Variants in GABRB1 observed in about 807,000 individuals in gnomAD.
GABRB1 encodes the protein gamma-aminobutyric acid receptor subunit beta-1.
Under a neutral mutation model 51.6 loss-of-function variants are expected in GABRB1, and 17 were observed. The observed-to-expected ratio is 0.33, with a 90% CI of 0.23 to 0.49. The LOEUF is 0.49. Among genes scored for constraint, GABRB1 ranks in the 20% least tolerant of loss-of-function variants. The pLI is 0.99. For missense variants in GABRB1, 410 were observed against 600.6 expected (o/e 0.68, Z 3.32); for synonymous variants, 247 against 218.9 (o/e 1.13, Z -1.14).
intron 4 of GABRB1, among the ~76,000 whole-genome samples, chr4:47,251,882 C>A (rs1722001949): frequency 1.3e-5 from 2 of 152,116 alleles, no homozygotes; most frequent in African/African-American, 4.8e-5. Context: ...AGTGGGCGAG[C>A]CAGACTTGAG....
At chr4:47,294,563 G>A (rs890804828) in intron 4 of GABRB1, among the ~76,000 whole-genome samples, 17 of 152,238 alleles carry the variant, frequency 1.1e-4, no homozygotes, top group Admixed American at 2.0e-4. Context: ...AGGGGCGCCC[G>A]CCATTGCCCA....
At chr4:47,378,378 G>A (rs911730754) in intron 5 of GABRB1, among the ~76,000 whole-genome samples, 3 of 152,216 alleles carry the variant, frequency 2.0e-5, no homozygotes, top group East Asian at 1.9e-4. Flanking sequence ...ACACCCACCC[G>A]GAACTCGTGC....
intron 4 of GABRB1, among the ~76,000 whole-genome samples, chr4:47,303,193 T>C (rs934859777): frequency 6.6e-6 from 1 of 151,938 alleles, no homozygotes; most frequent in African/African-American, 2.4e-5. Context: ...CTGTGCATTT[T>C]GTAATTTATT....
chr4:47,077,595 A>C (rs1456388522), intron 3 of GABRB1, among the ~76,000 whole-genome samples: 3 of 151,844 alleles, frequency 2.0e-5, no homozygotes, highest in African/African-American at 4.8e-5. Flanking sequence ...CTCACTAAAA[A>C]TACTGCACAT....
chr4:47,280,377 A>T (rs1226247053), intron 4 of GABRB1, among the ~76,000 whole-genome samples: 1 of 151,462 alleles, frequency 6.6e-6, no homozygotes, highest in East Asian at 1.9e-4. Context: ...TATTTGTAAT[A>T]TTTTTGTCTT....
intron 5 of GABRB1, among the ~76,000 whole-genome samples, chr4:47,373,312 T>C (rs1217458514): frequency 1.3e-5 from 2 of 152,212 alleles, no homozygotes; most frequent in Non-Finnish European, 2.9e-5. Flanking sequence ...GAAATGACAG[T>C]GTCTGCTACC....
chr4:47,136,801 A>T (rs79878786), intron 3 of GABRB1, among the ~76,000 whole-genome samples: 4,899 of 152,124 alleles, frequency 0.032, 374 homozygotes, highest in East Asian at 0.17. Flanking sequence ...TCTCCAAACT[A>T]AAACACTACA....
chr4:47,262,188 C>G (rs2109880115), intron 4 of GABRB1, among the ~76,000 whole-genome samples: 1 of 151,744 alleles, frequency 6.6e-6, no homozygotes, highest in South Asian at 2.1e-4. Context: ...CCAAAATTGA[C>G]AAATGGGATC....
At chr4:47,174,081 A>G (rs1718553719) in intron 4 of GABRB1, among the ~76,000 whole-genome samples, 1 of 151,874 alleles carries the variant, frequency 6.6e-6, no homozygotes, top group Admixed American at 6.6e-5. Context: ...TTCTTGAAAG[A>G]GTGAAACAGT....
chr4:47,147,293 T>C (rs904309921), intron 3 of GABRB1, among the ~76,000 whole-genome samples: 1 of 38,992 alleles, frequency 2.6e-5, no homozygotes, highest in Non-Finnish European at 5.2e-5. Context: ...TTCCTTTCTT[T>C]TTTTCCTTTC....
At chr4:47,104,985 C>A (rs902298247) in intron 3 of GABRB1, among the ~76,000 whole-genome samples, 1 of 151,838 alleles carries the variant, frequency 6.6e-6, no homozygotes, top group African/African-American at 2.4e-5. Context: ...TTTTTTGCTT[C>A]TTTGTGCATC....
intron 4 of GABRB1, among the ~76,000 whole-genome samples, chr4:47,283,334 AAT>A (rs1266640624): frequency 2.2e-4 from 29 of 131,122 alleles, no homozygotes; most frequent in Admixed American, 2.2e-3. Flanking sequence ...CCTTCTAGGC[AAT>A]GTTCCATACC....
chr4:47,136,267 C>T (rs1231639335), intron 3 of GABRB1, among the ~76,000 whole-genome samples: 1 of 152,084 alleles, frequency 6.6e-6, no homozygotes, highest in African/African-American at 2.4e-5. Flanking sequence ...GCTGGGATTA[C>T]AGGCATAGCG....
intron 3 of GABRB1, among the ~76,000 whole-genome samples, chr4:47,138,483 C>T (rs959470719): frequency 1.1e-4 from 17 of 152,046 alleles, no homozygotes; most frequent in African/African-American, 3.6e-4. Flanking sequence ...TGTCCTGAGT[C>T]TGACCAATCT....
intron 5 of GABRB1, among the ~76,000 whole-genome samples, chr4:47,358,268 C>G (rs1207826172): frequency 6.6e-6 from 1 of 151,744 alleles, no homozygotes; most frequent in Non-Finnish European, 1.5e-5. Flanking sequence ...TCCATAGGAA[C>G]AGAACCAGTA....
chr4:47,165,138 A>T (rs1718122644), intron 4 of GABRB1, among the ~76,000 whole-genome samples: 1 of 152,012 alleles, frequency 6.6e-6, no homozygotes, highest in Admixed American at 6.6e-5. Flanking sequence ...AAAAGCGGAG[A>T]CTATACAATA....
At chr4:47,081,993 T>G (rs901424002) in intron 3 of GABRB1, among the ~76,000 whole-genome samples, 2 of 152,082 alleles carry the variant, frequency 1.3e-5, no homozygotes, top group Admixed American at 6.6e-5. Context: ...TAGTTGCTTA[T>G]TTCACAAAAT....
At chr4:47,140,253 C>T (rs565078737) in intron 3 of GABRB1, among the ~76,000 whole-genome samples, 29 of 151,938 alleles carry the variant, frequency 1.9e-4, no homozygotes, top group African/African-American at 5.8e-4. Context: ...TTTTGTCTGA[C>T]TTTTTCATAC....
chr4:47,254,458 C>T (rs969751509), intron 4 of GABRB1, among the ~76,000 whole-genome samples: 2 of 144,232 alleles, frequency 1.4e-5, no homozygotes, highest in African/African-American at 2.6e-5. Context: ...CTCCGCCTCC[C>T]GAGTTCACGC....
Sources: allele counts gnomAD v4.1 joint callset (sites outside exome capture counted in the v4.1 genomes callset), GRCh38; gene constraint gnomAD v4.1.1; transcripts MANE v1.5; gene names NCBI Gene and HGNC (gene_info 2026-07-23, HGNC 2026-07-21).